The following TMEM108 variants were observed in gnomAD, a reference collection of about 807,000 sequenced individuals.
TMEM108 encodes transmembrane protein 108.
A neutral mutation model predicts 35.1 loss-of-function variants in TMEM108; 12 were observed. The observed-to-expected ratio is 0.34, with a 90% CI of 0.22 to 0.55. The LOEUF is 0.55. Ranked by LOEUF, TMEM108 falls within the 20% of genes least tolerant of loss-of-function variation. TMEM108 has a pLI of 0.89. For synonymous variants in TMEM108, 287 were observed against 308.6 expected, an observed-to-expected ratio of 0.93 and a Z score of 0.73; for missense variants, 680 against 753.3, an observed-to-expected ratio of 0.90 and a Z score of 1.14.
intron 3 of TMEM108, among the ~76,000 whole-genome samples, chr3:133,260,622 G>A (rs955745643): frequency 5.5e-5 from 8 of 146,434 alleles, no homozygotes; most frequent in Admixed American, 1.4e-4. Context: ...GCAAAAGTAA[G>A]AAGTTTGGGT....
intron 3 of TMEM108, among the ~76,000 whole-genome samples, chr3:133,370,930 G>A (rs951345152): frequency 1.4e-5 from 2 of 146,030 alleles, no homozygotes; most frequent in Non-Finnish European, 3.0e-5. Context: ...GTGCCAGGAA[G>A]CTTCATGGCC....
intron 3 of TMEM108, among the ~76,000 whole-genome samples, chr3:133,316,148 T>C (rs1431421214): frequency 1.3e-5 from 2 of 152,118 alleles, no homozygotes; most frequent in African/African-American, 4.8e-5. Flanking sequence ...GGCGAATAAA[T>C]AGAAACACAC....
At chr3:133,290,437 A>G (rs369510093) in intron 3 of TMEM108, among the ~76,000 whole-genome samples, 1 of 152,164 alleles carries the variant, frequency 6.6e-6, no homozygotes, top group Non-Finnish European at 1.5e-5. Context: ...ACTAGCCAAC[A>G]TGACAAAACC....
At chr3:133,194,098 G>A (rs1193830595) in intron 2 of TMEM108, among the ~76,000 whole-genome samples, 6 of 151,900 alleles carry the variant, frequency 3.9e-5, no homozygotes, top group South Asian at 2.1e-4. Context: ...CATCACACCC[G>A]GCTAATTTTT....
chr3:133,061,575 G>A (rs760237186), intron 2 of TMEM108, among the ~76,000 whole-genome samples: 1 of 152,174 alleles, frequency 6.6e-6, no homozygotes, highest in Non-Finnish European at 1.5e-5. Context: ...TACTGACCAA[G>A]TGCTTGCAGC....
chr3:133,219,137 C>T (rs1370042108), intron 2 of TMEM108, among the ~76,000 whole-genome samples: 1 of 152,058 alleles, frequency 6.6e-6, no homozygotes, highest in African/African-American at 2.4e-5. Flanking sequence ...AGAAGTTTAT[C>T]CATTTCTTCT....
intron 2 of TMEM108, among the ~76,000 whole-genome samples, chr3:133,168,740 A>G (rs1945082259): frequency 6.6e-6 from 1 of 152,156 alleles, no homozygotes; most frequent in Non-Finnish European, 1.5e-5. Context: ...ACACTGTGGA[A>G]GCTTTGTTCT....
chr3:133,129,359 C>CA (rs34821480), intron 2 of TMEM108, among the ~76,000 whole-genome samples: 4 of 123,082 alleles, frequency 3.2e-5, no homozygotes, highest in East Asian at 2.3e-4. Flanking sequence ...CCCCCCCCCC[C>CA]AAAAAAAAAT....
At chr3:133,129,366 A>C (rs1944460064) in intron 2 of TMEM108, among the ~76,000 whole-genome samples, 1 of 147,204 alleles carries the variant, frequency 6.8e-6, no homozygotes, top group African/African-American at 2.5e-5. Flanking sequence ...CCCCAAAAAA[A>C]AATAAACGAA....
At chr3:133,098,877 G>A (rs1576317512) in intron 2 of TMEM108, among the ~76,000 whole-genome samples, 1 of 152,164 alleles carries the variant, frequency 6.6e-6, no homozygotes, top group East Asian at 1.9e-4. Flanking sequence ...CTGGCGTTGA[G>A]TGCGGCTTTT....
intron 2 of TMEM108, among the ~76,000 whole-genome samples, chr3:133,174,020 C>T (rs1343650756): frequency 6.6e-6 from 1 of 152,246 alleles, no homozygotes; most frequent in African/African-American, 2.4e-5. Flanking sequence ...AACGGCACAC[C>T]AGGAGATTAT....
At chr3:133,121,296 A>T (rs76211022) in intron 2 of TMEM108, among the ~76,000 whole-genome samples, 1 of 152,244 alleles carries the variant, frequency 6.6e-6, no homozygotes, top group Non-Finnish European at 1.5e-5. Flanking sequence ...AACATGTTTC[A>T]TAGCCAGTCC....
chr3:133,308,027 T>TTGTTTC (rs2071069100), intron 3 of TMEM108, among the ~76,000 whole-genome samples: 1 of 152,288 alleles, frequency 6.6e-6, no homozygotes, highest in Non-Finnish European at 1.5e-5. Context: ...GTGTCCTCTT[T>TTGTTTC]TGTTTCATTG....
At chr3:133,302,546 C>T (rs1054825471) in intron 3 of TMEM108, among the ~76,000 whole-genome samples, 6 of 151,076 alleles carry the variant, frequency 4.0e-5, no homozygotes, top group South Asian at 2.1e-4. Context: ...CTCAGCCTCC[C>T]GAGTAGCTGG....
chr3:133,386,830 T>A, intron 4 of TMEM108: 1 of 669,876 alleles, frequency 1.5e-6, no homozygotes, highest in Non-Finnish European at 1.9e-6. Flanking sequence ...CATCAAGACC[T>A]GGACTCAAGT....
At chr3:133,310,906 A>T (rs2071120017) in intron 3 of TMEM108, among the ~76,000 whole-genome samples, 1 of 152,168 alleles carries the variant, frequency 6.6e-6, no homozygotes, top group Middle Eastern at 3.2e-3. Flanking sequence ...GAGCTCTTGT[A>T]AGGCAGGCCT....
intron 2 of TMEM108, among the ~76,000 whole-genome samples, chr3:133,197,716 G>A (rs990180302): frequency 6.6e-6 from 1 of 152,156 alleles, no homozygotes; most frequent in Admixed American, 6.5e-5. Context: ...GTTGAAGGCT[G>A]TATGGAACTG....
intron 3 of TMEM108, among the ~76,000 whole-genome samples, chr3:133,348,117 G>C (rs1003745264): frequency 3.4e-5 from 5 of 145,936 alleles, no homozygotes; most frequent in Admixed American, 6.7e-5. Flanking sequence ...AGAGTAATGA[G>C]GGGGGGGCCA....
chr3:133,082,482 A>G (rs1363666771), intron 2 of TMEM108, among the ~76,000 whole-genome samples: 2 of 152,130 alleles, frequency 1.3e-5, no homozygotes, highest in Non-Finnish European at 2.9e-5. Flanking sequence ...CCATGAGCAC[A>G]TATTGAGGGT....
Sources: allele counts gnomAD v4.1 joint callset (sites outside exome capture counted in the v4.1 genomes callset), GRCh38; gene constraint gnomAD v4.1.1; transcripts MANE v1.5; gene names NCBI Gene and HGNC (gene_info 2026-07-23, HGNC 2026-07-21).